ANKRD11: variants seen among roughly 807,000 people sequenced by gnomAD.
The protein encoded by ANKRD11 is ankyrin repeat domain-containing protein 11.
ANKRD11 carries 17 observed loss-of-function variants against 195.7 expected under a neutral mutation model. The ratio of observed to expected loss-of-function variants is 0.09; its 90% CI spans 0.06 to 0.13. The LOEUF (loss-of-function observed/expected upper bound fraction) is 0.13. Ranked by LOEUF, ANKRD11 falls within the 10% of genes least tolerant of loss-of-function variation. ANKRD11 has a pLI of 1.00. For missense variants in ANKRD11, 3,735 were observed against 3,566.1 expected, an observed-to-expected ratio of 1.05 and a Z score of -1.21; for synonymous variants, 1,953 against 1,528.1, an observed-to-expected ratio of 1.28 and a Z score of -6.49.
At position 89,280,224 on chromosome 16, in the gene ANKRD11, G is replaced by C. The variant is rs1274849471; in HGVS notation, c.6318C>G (p.Ser2106Arg). 1 of 1,607,938 alleles carries C rather than the reference G, an allele frequency of 6.2e-7. No homozygotes were observed. The highest frequency in any genetic ancestry group is 8.5e-7 in the Non-Finnish European group (1 of 1,179,370). The change falls in exon 9 of 13, where the codon AGC (serine) becomes AGG (arginine). Residue 2106 changes from serine to arginine, a missense_variant. Physicochemically the swap from Ser to Arg is moderately radical, Grantham distance 110 (BLOSUM62 -1). Transcript: ENST00000301030. The part of the protein sequence containing the change: ...GPLENSFLDG[S>R]RGLSHLGQVE... Reference sequence around the variant, plus strand: ...CCTGGCCGAGGTGAGACAGGCCGCGGCTGCCGTCCAGGAAGCTATTTTCCA... The same window carrying C: ...CCTGGCCGAGGTGAGACAGGCCGCGCCTGCCGTCCAGGAAGCTATTTTCCA...
At chr16:89,278,180 G>C in intron 9 of ANKRD11, 2 of 303,950 alleles carry the variant, frequency 6.6e-6, no homozygotes, top group Middle Eastern at 1.2e-3. Flanking sequence ...GGGCTGGATG[G>C]ACCCTGGGGG....
chr16:89,321,378 C>G (rs555151385), intron 2 of ANKRD11, among the ~76,000 whole-genome samples: 1 of 148,008 alleles, frequency 6.8e-6, no homozygotes, highest in Middle Eastern at 3.5e-3. Flanking sequence ...TCGGGCGGGG[C>G]AGGACTGGGG....
At chr16:89,274,099 G>C (rs1434195838) in intron 11 of ANKRD11, among the ~76,000 whole-genome samples, 1 of 152,204 alleles carries the variant, frequency 6.6e-6, no homozygotes, top group Non-Finnish European at 1.5e-5. Flanking sequence ...GGTGGCTGGA[G>C]GATGATTTCT....
At chr16:89,365,685 G>A (rs1261760242) in intron 2 of ANKRD11, among the ~76,000 whole-genome samples, 1 of 152,316 alleles carries the variant, frequency 6.6e-6, no homozygotes, top group East Asian at 1.9e-4. Flanking sequence ...CAGTGTCTGT[G>A]GAAGGTGGTC....
At chr16:89,460,171 G>A (rs534202461) in intron 1 of ANKRD11, among the ~76,000 whole-genome samples, 14 of 152,100 alleles carry the variant, frequency 9.2e-5, no homozygotes, top group Non-Finnish European at 1.5e-4. Context: ...CTGGGAGGCC[G>A]AGATTGCAGT....
chr16:89,450,973 G>A (rs1465730661), intron 1 of ANKRD11, among the ~76,000 whole-genome samples: 2 of 152,328 alleles, frequency 1.3e-5, no homozygotes, highest in East Asian at 3.9e-4. Flanking sequence ...GCCTAAATCA[G>A]AGGTGATCGG....
chr16:89,302,056 G>C (rs2035888909), intron 4 of ANKRD11, among the ~76,000 whole-genome samples: 1 of 152,194 alleles, frequency 6.6e-6, no homozygotes, highest in African/African-American at 2.4e-5. Flanking sequence ...AGAGTCTCTT[G>C]TCTGTCACGT....
At chr16:89,467,083 G>C (rs1277314789) in intron 1 of ANKRD11, among the ~76,000 whole-genome samples, 1 of 152,146 alleles carries the variant, frequency 6.6e-6, no homozygotes, top group African/African-American at 2.4e-5. Context: ...GAGTGAGAAG[G>C]CGCAGGGAGA....
chr16:89,479,362 G>A (rs765610014), intron 1 of ANKRD11, among the ~76,000 whole-genome samples: 9 of 152,260 alleles, frequency 5.9e-5, no homozygotes, highest in Non-Finnish European at 1.2e-4. Context: ...GCCTGGCGCA[G>A]TGGCTCACAC....
chr16:89,292,123 G>A (rs761649132), intron 4 of ANKRD11, among the ~76,000 whole-genome samples: 1 of 152,210 alleles, frequency 6.6e-6, no homozygotes, highest in Non-Finnish European at 1.5e-5. Flanking sequence ...AAACTGCAGA[G>A]GTGCAGCGCA....
At position 89,284,685 on chromosome 16, in the gene ANKRD11, G is replaced by A. The variant is rs780814224; in HGVS notation, c.1857C>T (p.Val619=). The part of the protein sequence containing the change: ...SPFLSSAEGA[V]PKLDKEGKVV... ...CTTTCCCCTCCTTGTCCAGTTTGGG[G>A]ACAGCGCCCTCCGCGCTGGACAGGA... The change falls in exon 9 of 13, where the codon GTC becomes GTT. Residue 619 remains valine (V), a synonymous_variant. Coordinates refer to ENST00000301030, the MANE Select transcript of ANKRD11 (RefSeq NM_013275.6). 36 of 1,613,808 alleles carry A rather than the reference G, an allele frequency of 2.2e-5. No homozygotes were observed. Among genetic ancestry groups the A allele is most frequent in the Non-Finnish European group, 2.8e-5 (33 of 1,180,024 alleles).
chr16:89,288,078 C>A (rs2034777698), intron 7 of ANKRD11: 2 of 568,864 alleles, frequency 3.5e-6, no homozygotes, highest in East Asian at 5.7e-5. Context: ...CTGGGCCGGC[C>A]ACAATGGCCA....
intron 1 of ANKRD11, among the ~76,000 whole-genome samples, chr16:89,441,795 G>GAAAAAAA (rs2043515618): frequency 1.6e-5 from 1 of 61,406 alleles, no homozygotes; most frequent in Admixed American, 1.6e-4. Flanking sequence ...AAAAAAAAAC[G>GAAAAAAA]CAAACCTGAC....
At chr16:89,423,184 T>C (rs987770852) in intron 1 of ANKRD11, among the ~76,000 whole-genome samples, 3 of 152,174 alleles carry the variant, frequency 2.0e-5, no homozygotes, top group African/African-American at 7.2e-5. Flanking sequence ...CAAAGACAGG[T>C]CCCTACACTG....
intron 2 of ANKRD11, among the ~76,000 whole-genome samples, chr16:89,338,784 A>T (rs942014769): frequency 2.0e-5 from 3 of 152,064 alleles, no homozygotes; most frequent in Non-Finnish European, 4.4e-5. Context: ...TTTAAAAGAA[A>T]AAATAATCTC....
At position 89,398,664 on chromosome 16, in the gene ANKRD11, C is replaced by T. The variant is rs138884169; in HGVS notation, c.-60+19620G>A. 7.1e-4 allele frequency among the ~76,000 whole-genome samples: 108 copies of T among 152,234 alleles called. 1 individual carries two copies. The highest frequency in any genetic ancestry group is 2.5e-3 in the African/African-American group (102 of 41,552). ...GGCTGAGGCAGGAGGAAGGTTTGAG[C>T]CCGGGAGGTTGAGGCTGCAGTGAGC... On this transcript the variant is annotated intron_variant, in intron 2 of 12. Transcript: ENST00000301030.
chr16:89,468,580 C>T (rs1363450052), intron 1 of ANKRD11, among the ~76,000 whole-genome samples: 2 of 152,152 alleles, frequency 1.3e-5, no homozygotes, highest in African/African-American at 4.8e-5. Context: ...TGGCACAGGC[C>T]TGTAATGTTA....
At chr16:89,292,306 T>G (rs1380036794) in intron 4 of ANKRD11, among the ~76,000 whole-genome samples, 1 of 152,028 alleles carries the variant, frequency 6.6e-6, no homozygotes. Context: ...GTGGGAGACA[T>G]CTCTAACAAC....
chr16:89,379,765 C>A (rs1421479412), intron 2 of ANKRD11, among the ~76,000 whole-genome samples: 1 of 152,210 alleles, frequency 6.6e-6, no homozygotes, highest in Admixed American at 6.5e-5. Context: ...AGAACTTGGA[C>A]TGAGTACAAC....
Sources: gnomAD v4.1 joint callset for allele counts (sites outside exome capture counted in the v4.1 genomes callset) on GRCh38, gnomAD v4.1.1 for gene constraint, MANE v1.5 for transcripts, NCBI Gene and HGNC (gene_info 2026-07-23, HGNC 2026-07-21) for gene names.